ALK: variants seen among roughly 807,000 people sequenced by gnomAD.
The protein encoded by ALK is ALK tyrosine kinase receptor.
In ALK, 74 loss-of-function variants were observed where a neutral mutation model predicts 163.1. The ratio of observed to expected loss-of-function variants is 0.45; its 90% confidence interval spans 0.38 to 0.55. The LOEUF is 0.55. Among genes scored for constraint, ALK ranks in the 20% least tolerant of loss-of-function variants. The pLI is 0.00. For synonymous variants in ALK, 960 were observed against 843.2 expected, an observed-to-expected ratio of 1.14 and a Z score of -2.40; for missense variants, 2,063 against 2,105.3, an observed-to-expected ratio of 0.98 and a Z score of 0.39.
chr2:29,534,181 G>A (rs1338422470), intron 3 of ALK, among the ~76,000 whole-genome samples: 1 of 152,240 alleles, frequency 6.6e-6, no homozygotes, highest in East Asian at 1.9e-4. Flanking sequence ...CAGGTGAGTG[G>A]CACCATCAGA....
Position 29,233,566 on chromosome 2 carries a change from T to A in ALK, c.2486A>T (p.Lys829Met), listed in dbSNP as rs2148184420. The A allele has an allele frequency of 6.2e-7, 1 of 1,614,178 alleles. No individual in the cohort carries two copies. The highest frequency in any genetic ancestry group is 8.5e-7 in the Non-Finnish European group (1 of 1,180,034). The change falls in exon 14 of 29, where the codon AAG (lysine) becomes ATG (methionine). Residue 829 changes from lysine (K) to methionine (M), a missense_variant and splice_region_variant. Physicochemically the swap from Lys to Met is moderately conservative, Grantham distance 95. Around this residue, in one of 5 missense-constraint regions of ALK, gnomAD observed 575 missense variants for 626.6 expected, o/e 0.92. Transcript: ENST00000389048. ...GAAATCTGGCAGCACACACCATACC[T>A]TAAATACGTAGGTGGCTCCACCCCC... ...GGGGGATYVF[K>M]MKDGVPVPLI...
intron 3 of ALK, among the ~76,000 whole-genome samples, chr2:29,650,154 A>G (rs1676998430): frequency 6.6e-6 from 1 of 152,176 alleles, no homozygotes; most frequent in African/African-American, 2.4e-5. Flanking sequence ...TCAAATGGTT[A>G]TATACAAAAT....
At chr2:29,880,675 C>T (rs1283011643) in intron 1 of ALK, among the ~76,000 whole-genome samples, 2 of 152,190 alleles carry the variant, frequency 1.3e-5, no homozygotes, top group African/African-American at 2.4e-5. Flanking sequence ...TTTTAATTCT[C>T]ACAATATCTA....
chr2:29,517,477 A>G (rs1409453472), intron 4 of ALK, among the ~76,000 whole-genome samples: 2 of 152,160 alleles, frequency 1.3e-5, no homozygotes, highest in Non-Finnish European at 2.9e-5. Flanking sequence ...CTCTATGAGG[A>G]CGTCCAGATT....
intron 1 of ALK, among the ~76,000 whole-genome samples, chr2:29,776,653 T>G (rs1681184547): frequency 6.6e-6 from 1 of 152,136 alleles, no homozygotes. Flanking sequence ...CTGATTTTGC[T>G]GGGCATGGTG....
intron 9 of ALK, among the ~76,000 whole-genome samples, chr2:29,291,080 T>C (rs530493802): frequency 1.1e-3 from 165 of 152,288 alleles, no homozygotes; most frequent in Non-Finnish European, 2.0e-3. Context: ...CAATGGCTAT[T>C]GACCAGGTGC....
intron 8 of ALK, among the ~76,000 whole-genome samples, chr2:29,305,360 G>A (rs1287264467): frequency 4.6e-5 from 7 of 152,166 alleles, no homozygotes; most frequent in African/African-American, 1.4e-4. Context: ...ATGTATACGG[G>A]GCTAGAACTA....
At position 29,919,861 on chromosome 2, in the gene ALK, C is replaced by T. The variant is rs576564941; in HGVS notation, c.667+132G>A. ...CGGTCTGATTCGGGAAGGAGGTTTG[C>T]GGGAGGAAGGAGGGCGATGAAGCAG... On this transcript the variant is annotated intron_variant, in intron 1 of 28. Coordinates refer to ENST00000389048, the MANE Select transcript of ALK (RefSeq NM_004304.5). The T allele has an allele frequency of 4.7e-5, 54 of 1,143,400 alleles. No individual in the cohort carries two copies. The East Asian group carries it at 8.5e-4, about 18-fold the overall frequency. The allele number at this position is 1,143,400 out of a possible 1,614,324, so 70.8% of individuals were successfully genotyped here.
chr2:29,905,870 C>CAGATTG (rs1318237505), intron 1 of ALK, among the ~76,000 whole-genome samples: 2 of 152,174 alleles, frequency 1.3e-5, no homozygotes, highest in African/African-American at 4.8e-5. Flanking sequence ...CTTCACAGAA[C>CAGATTG]AGATTGAGAC....
intron 1 of ALK, among the ~76,000 whole-genome samples, chr2:29,827,036 G>C (rs1446931021): frequency 6.6e-6 from 1 of 152,212 alleles, no homozygotes; most frequent in African/African-American, 2.4e-5. Context: ...CCAAGTGTCA[G>C]AGACTAACAG....
intron 3 of ALK, among the ~76,000 whole-genome samples, chr2:29,586,318 G>C (rs565619132): frequency 6.6e-6 from 1 of 151,688 alleles, no homozygotes; most frequent in East Asian, 1.9e-4. Flanking sequence ...TGGAAAATAT[G>C]CTTGTGTTTC....
At chr2:29,827,001 G>T (rs1665220854) in intron 1 of ALK, among the ~76,000 whole-genome samples, 1 of 152,220 alleles carries the variant, frequency 6.6e-6, no homozygotes, top group South Asian at 2.1e-4. Flanking sequence ...ACAGGAGATT[G>T]ATTTCCACAT....
At chr2:29,761,402 A>G (rs1321193899) in intron 1 of ALK, among the ~76,000 whole-genome samples, 1 of 152,146 alleles carries the variant, frequency 6.6e-6, no homozygotes, top group African/African-American at 2.4e-5. Flanking sequence ...TAGGATGATG[A>G]ATATGCTCTG....
chr2:29,578,040 G>A (rs1260574760), intron 3 of ALK, among the ~76,000 whole-genome samples: 1 of 152,148 alleles, frequency 6.6e-6, no homozygotes, highest in Non-Finnish European at 1.5e-5. Flanking sequence ...ATAGGGTTTG[G>A]CTGTGTCCCC....
At chr2:29,498,777 C>A (rs1672095576) in intron 4 of ALK, among the ~76,000 whole-genome samples, 1 of 152,216 alleles carries the variant, frequency 6.6e-6, no homozygotes, top group Admixed American at 6.5e-5. Flanking sequence ...TATTATTCAA[C>A]CAAGGGCTTT....
At chr2:29,266,379 A>C (rs1665220601) in intron 11 of ALK, among the ~76,000 whole-genome samples, 2 of 152,228 alleles carry the variant, frequency 1.3e-5, no homozygotes, top group Non-Finnish European at 1.5e-5. Flanking sequence ...TATACACAAA[A>C]GTGTGCACAA....
chr2:29,387,325 C>G (rs967149468), intron 4 of ALK, among the ~76,000 whole-genome samples: 14 of 152,162 alleles, frequency 9.2e-5, no homozygotes, highest in African/African-American at 3.4e-4. Flanking sequence ...TATTCTGCCT[C>G]CAACTTTGCA....
intron 6 of ALK, among the ~76,000 whole-genome samples, chr2:29,323,475 G>T (rs529958468): frequency 6.6e-6 from 1 of 152,156 alleles, no homozygotes; most frequent in Non-Finnish European, 1.5e-5. Flanking sequence ...TAGAATCCAG[G>T]GTGAGCTGGG....
intron 4 of ALK, among the ~76,000 whole-genome samples, chr2:29,435,042 T>C (rs1177710136): frequency 6.6e-6 from 1 of 152,168 alleles, no homozygotes; most frequent in Non-Finnish European, 1.5e-5. Context: ...TCAGGGCTGT[T>C]CATGAATGCA....
Sources: gnomAD v4.1 joint callset for allele counts (sites outside exome capture counted in the v4.1 genomes callset) on GRCh38, gnomAD v4.1.1 for gene constraint, gnomAD v4.1.1 regional missense constraint, MANE v1.5 for transcripts, NCBI Gene and HGNC (gene_info 2026-07-23, HGNC 2026-07-21) for gene names.